The following AGAP1 variants were observed in gnomAD, a reference collection of about 807,000 sequenced individuals.
AGAP1 encodes arf-GAP with GTPase, ANK repeat and PH domain-containing protein 1.
Under a neutral mutation model 105.3 loss-of-function variants are expected in AGAP1, and 29 were observed. The ratio of observed to expected loss-of-function variants is 0.28; its 90% CI spans 0.21 to 0.38. AGAP1 has a LOEUF of 0.38. AGAP1 is among the 10% of genes least tolerant of loss of function. The probability of loss-of-function intolerance (pLI) is 1.00; values close to 1 mark genes in which losing one functional copy is unlikely to be tolerated. For missense variants in AGAP1, 998 were observed against 1,165.1 expected (o/e 0.86, Z 2.09); for synonymous variants, 509 against 485.9 (o/e 1.05, Z -0.63).
At position 235,792,325 on chromosome 2, in the gene AGAP1, T is replaced by TG. The variant is rs1957028278; in HGVS notation, c.674-5430dup. Among the ~76,000 whole-genome samples, 1 of 152,174 alleles carries TG rather than the reference T, an allele frequency of 6.6e-6. No individual in the cohort carries two copies. The highest frequency in any genetic ancestry group is 2.4e-5 in the African/African-American group (1 of 41,444). ...TCTGGTCCCCCACAAAGCTTTTGCA[T>TG]GGGGTTCATCTGCCTATTCCAGGAG... On this transcript the variant is annotated intron_variant, in intron 6 of 17. Coordinates refer to ENST00000304032, the MANE Select transcript of AGAP1 (RefSeq NM_001037131.3). The surrounding 1 kb of genome is among the most constrained non-coding windows in gnomAD (Gnocchi z 5.3).
intron 9 of AGAP1, among the ~76,000 whole-genome samples, chr2:235,834,480 C>G (rs1349791184): frequency 6.6e-6 from 1 of 152,192 alleles, no homozygotes; most frequent in Non-Finnish European, 1.5e-5. Context: ...GCCACAGAGC[C>G]CGGTCTGTGA....
chr2:235,703,192 T>G (rs1950344046), intron 1 of AGAP1, among the ~76,000 whole-genome samples: 1 of 152,024 alleles, frequency 6.6e-6, no homozygotes, highest in Non-Finnish European at 1.5e-5. Flanking sequence ...CCTCACAAAG[T>G]GCTGGGATTA....
chr2:235,667,827 C>A (rs1022766980), intron 1 of AGAP1, among the ~76,000 whole-genome samples: 3 of 151,774 alleles, frequency 2.0e-5, no homozygotes, highest in African/African-American at 7.3e-5. Flanking sequence ...GGACTGGTGG[C>A]GCGCACCTGT....
chr2:235,502,958 T>G (rs1015022623), intron 1 of AGAP1, among the ~76,000 whole-genome samples: 1 of 117,912 alleles, frequency 8.5e-6, no homozygotes, highest in African/African-American at 2.9e-5. Context: ...ATTCAATAAG[T>G]TTTAGTTTTA....
chr2:235,695,759 A>T (rs2149457478), intron 1 of AGAP1, among the ~76,000 whole-genome samples: 1 of 152,306 alleles, frequency 6.6e-6, no homozygotes, highest in South Asian at 2.1e-4. Flanking sequence ...GGCACAAAGA[A>T]ACCATGCGTA....
intron 6 of AGAP1, among the ~76,000 whole-genome samples, chr2:235,773,396 A>T (rs909223610): frequency 1.2e-4 from 18 of 152,218 alleles, no homozygotes; most frequent in Admixed American, 1.3e-4. Flanking sequence ...AGGCTGAAGC[A>T]AAGTTACAAA....
chr2:235,592,070 A>G (rs780981855), intron 1 of AGAP1, among the ~76,000 whole-genome samples: 2 of 152,236 alleles, frequency 1.3e-5, no homozygotes, highest in Non-Finnish European at 2.9e-5. Context: ...ACGCAAGAAC[A>G]GACTCACACA....
intron 6 of AGAP1, among the ~76,000 whole-genome samples, chr2:235,760,244 T>A (rs981850425): frequency 6.6e-6 from 1 of 152,178 alleles, no homozygotes; most frequent in Non-Finnish European, 1.5e-5. Context: ...CCAGGCATGG[T>A]GGCGTGTGCC....
chr2:235,564,816 AGGTGTGAGCCTGGACCAGCACCCACG>A (rs1944291617), intron 1 of AGAP1, among the ~76,000 whole-genome samples: 1 of 146,184 alleles, frequency 6.8e-6, no homozygotes, highest in Non-Finnish European at 1.5e-5. Context: ...ACCCACGGCC[AGGTGTGAGCCTGGACCAGCACCCACG>A]GCCAGGTGTG....
chr2:236,011,678 G>T (rs185897898), intron 13 of AGAP1, among the ~76,000 whole-genome samples: 1 of 152,190 alleles, frequency 6.6e-6, no homozygotes, highest in Non-Finnish European at 1.5e-5. Flanking sequence ...AAGTTAGCCT[G>T]TGTTTAAGAG....
Position 235,672,366 on chromosome 2 carries a change from C to T in AGAP1, c.164-36813C>T, listed in dbSNP as rs78184397. On this transcript the variant is annotated intron_variant, in intron 1 of 17. Transcript: ENST00000304032. ...GAGGATGGTTGAAACCAAGCAGTGG[C>T]ATGTGCGGTAATGTTAAAATCTGAC... Among the ~76,000 whole-genome samples the T allele has an allele frequency of 2.2e-3, 337 of 152,322 alleles. 2 individuals are homozygous for T. The highest frequency in any genetic ancestry group is 7.7e-3 in the African/African-American group (322 of 41,574).
At chr2:235,849,802 C>T (rs1238145283) in intron 9 of AGAP1, among the ~76,000 whole-genome samples, 1 of 152,228 alleles carries the variant, frequency 6.6e-6, no homozygotes, top group Admixed American at 6.5e-5. Flanking sequence ...CTCTGCTTCC[C>T]GCCCCTGGAG....
intron 6 of AGAP1, among the ~76,000 whole-genome samples, chr2:235,784,821 A>G (rs1406206923): frequency 6.6e-6 from 1 of 152,168 alleles, no homozygotes; most frequent in Non-Finnish European, 1.5e-5. Flanking sequence ...TCCCCAGAGG[A>G]ACTTCACGTA....
rs1241739999 is a variant in AGAP1 at position 236,053,646 on chromosome 2, G to A, written c.2114+4365G>A. Among the ~76,000 whole-genome samples the A allele has an allele frequency of 6.6e-6, 1 of 152,270 alleles. No individual in the cohort carries two copies. The highest frequency in any genetic ancestry group is 2.4e-5 in the African/African-American group (1 of 41,478). On this transcript the variant is annotated intron_variant, in intron 16 of 17. Coordinates refer to ENST00000304032, the MANE Select transcript of AGAP1 (RefSeq NM_001037131.3). The surrounding 1 kb of genome is among the most constrained non-coding windows in gnomAD (Gnocchi z 4.6). ...TGCATCTCCCCATCTTTGTGTCCTG[G>A]TGTCAAAGCATTTGGCCCCCAAGGC...
intron 9 of AGAP1, among the ~76,000 whole-genome samples, chr2:235,871,073 G>A (rs2049413046): frequency 6.6e-6 from 1 of 152,102 alleles, no homozygotes; most frequent in South Asian, 2.1e-4. Context: ...AAATATTTGA[G>A]TTCTCAAGGA....
intron 1 of AGAP1, among the ~76,000 whole-genome samples, chr2:235,501,421 C>T (rs367717769): frequency 1.3e-5 from 2 of 152,016 alleles, no homozygotes; most frequent in East Asian, 1.9e-4. Context: ...ATTTTGTTAC[C>T]AATATTTCCA....
At position 235,678,516 on chromosome 2, in the gene AGAP1, G is replaced by A. The variant is rs189844861; in HGVS notation, c.164-30663G>A. Among the ~76,000 whole-genome samples, 167 of 152,260 alleles carry A rather than the reference G, an allele frequency of 1.1e-3. 1 individual carries two copies. In the South Asian group the frequency reaches 0.013, roughly 12 times the overall value. The stretch of plus-strand genomic sequence containing the variant: ...CCTATCACTGGAGGCACCCAGACTC[G>A]GGCTGGCGAGGGATTGTTAGGACGG... On this transcript the variant is annotated intron_variant, in intron 1 of 17. Coordinates refer to ENST00000304032, the MANE Select transcript of AGAP1 (RefSeq NM_001037131.3).
At chr2:235,647,627 A>G (rs2149317403) in intron 1 of AGAP1, among the ~76,000 whole-genome samples, 1 of 152,024 alleles carries the variant, frequency 6.6e-6, no homozygotes, top group East Asian at 1.9e-4. Context: ...AACTCAAATG[A>G]TCCTCCTCCC....
At chr2:236,117,606 A>G (rs1217293652) in intron 16 of AGAP1, among the ~76,000 whole-genome samples, 1 of 152,240 alleles carries the variant, frequency 6.6e-6, no homozygotes, top group South Asian at 2.1e-4. Context: ...ATTAAAGTCA[A>G]TCGGAGCGGA....
Sources: allele counts gnomAD v4.1 joint callset (sites outside exome capture counted in the v4.1 genomes callset), GRCh38; gene constraint gnomAD v4.1.1; non-coding constraint Gnocchi (gnomAD v3.1); transcripts MANE v1.5; gene names NCBI Gene and HGNC (gene_info 2026-07-23, HGNC 2026-07-21).